PTPN3: variants seen among roughly 807,000 people sequenced by gnomAD.
The protein encoded by PTPN3 is tyrosine-protein phosphatase non-receptor type 3.
Under a neutral mutation model 132.7 loss-of-function variants are expected in PTPN3, and 96 were observed. The observed-to-expected ratio is 0.72, with a 90% CI of 0.61 to 0.86. The LOEUF (loss-of-function observed/expected upper bound fraction) is 0.86, where lower values mean the gene tolerates loss of function less well. Ranked by LOEUF, PTPN3 falls within the 40% of genes least tolerant of loss-of-function variation. The pLI, the probability that PTPN3 is intolerant of heterozygous loss-of-function variation, is 0.00. For missense variants in PTPN3, 1,125 were observed against 1,159.6 expected, an observed-to-expected ratio of 0.97 and a Z score of 0.43; for synonymous variants, 398 against 429.0, an observed-to-expected ratio of 0.93 and a Z score of 0.89.
chr9:109,449,980 A>G (rs1845142233), intron 5 of PTPN3: 1 of 984,120 alleles, frequency 1.0e-6, no homozygotes, highest in Non-Finnish European at 1.2e-6. Flanking sequence ...TCTGTAAGGT[A>G]GGTACCACTA....
intron 18 of PTPN3, among the ~76,000 whole-genome samples, chr9:109,406,251 C>G (rs1054887294): frequency 6.6e-6 from 1 of 152,178 alleles, no homozygotes; most frequent in African/African-American, 2.4e-5. Flanking sequence ...TGTCTCCCCC[C>G]AGAAGACTGG....
In PTPN3 at chr9:109,438,110, T is replaced by A; in HGVS notation, c.587+4A>T. On this transcript the variant is annotated splice_donor_region_variant and intron_variant, in intron 8 of 25. Transcript: ENST00000374541. ...CCAAAGTAGGCCACCCCAGCCCCCC[T>A]CACCTGTGCTGCTCATGCAGAGATT... The A allele has an allele frequency of 6.2e-7, 1 of 1,612,288 alleles. No homozygotes were observed. Among genetic ancestry groups the A allele is most frequent in the Non-Finnish European group, 8.5e-7 (1 of 1,179,250 alleles).
chr9:109,486,259 G>A, intron 1 of PTPN3, among the ~76,000 whole-genome samples: 1 of 152,196 alleles, frequency 6.6e-6, no homozygotes, highest in East Asian at 1.9e-4. Flanking sequence ...ATTTTGCAGG[G>A]TTGGAGAAAA....
At position 109,391,417 on chromosome 9, in the gene PTPN3, G is replaced by A. The variant is rs879221846; in HGVS notation, c.2044+54C>T. On this transcript the variant is annotated intron_variant, in intron 20 of 25. Transcript: ENST00000374541. ...AATACCAGACAATCTGTTTTAAAAA[G>A]GGAAACATTATCTCAGTGTAGGGGG... 2.0e-5 allele frequency: 31 copies of A among 1,528,334 alleles called. 2 individuals are homozygous for A. In the South Asian group the frequency reaches 3.3e-4, roughly 16 times the overall value. The allele number at this position is 1,528,334 out of a possible 1,614,324, so 94.7% of individuals were successfully genotyped here.
chr9:109,410,860 A>G (rs1336564294), intron 14 of PTPN3, among the ~76,000 whole-genome samples: 1 of 152,166 alleles, frequency 6.6e-6, no homozygotes, highest in African/African-American at 2.4e-5. Context: ...TCCTCAAAGG[A>G]AACAGGACTG....
chr9:109,505,088 A>G, the PTPN3 span, among the ~76,000 whole-genome samples: 1 of 152,200 alleles, frequency 6.6e-6, no homozygotes, highest in Admixed American at 6.5e-5. Context: ...AGAGGATTCT[A>G]GGGAGGAGAG....
At chr9:109,425,072 A>T (rs1843144215) in intron 12 of PTPN3, among the ~76,000 whole-genome samples, 1 of 152,212 alleles carries the variant, frequency 6.6e-6, no homozygotes, top group Non-Finnish European at 1.5e-5. Context: ...GATATAATCC[A>T]GTAAGTTATT....
At chr9:109,436,636 T>C (rs1750369994) in intron 9 of PTPN3, among the ~76,000 whole-genome samples, 1 of 152,102 alleles carries the variant, frequency 6.6e-6, no homozygotes, top group Non-Finnish European at 1.5e-5. Context: ...CTTACAAAAA[T>C]TACTAGTTTC....
chr9:109,534,632 C>CAAAAAAAAAAAAAAAAAAAAAAAAA, the PTPN3 span, among the ~76,000 whole-genome samples: 2 of 108,750 alleles, frequency 1.8e-5, no homozygotes, highest in African/African-American at 3.7e-5. Flanking sequence ...CAAAAAAATA[C>CAAAAAAAAAAAAAAAAAAAAAAAAA]AAAAAAAAAA....
intron 22 of PTPN3, 30 bp downstream of exon 22, chr9:109,389,203 C>G (rs376787943): frequency 7.9e-5 from 127 of 1,611,844 alleles, no homozygotes; most frequent in Non-Finnish European, 1.1e-4. Context: ...TGACACTGCA[C>G]ACATCTGAAT....
chr9:109,481,017 G>C (rs1372755647), intron 1 of PTPN3, among the ~76,000 whole-genome samples: 3 of 152,154 alleles, frequency 2.0e-5, no homozygotes, highest in South Asian at 2.1e-4. Flanking sequence ...CTGGCTGGGA[G>C]ACTCTTTCAT....
the PTPN3 span, among the ~76,000 whole-genome samples, chr9:109,505,111 G>C: frequency 1.3e-5 from 2 of 152,186 alleles, no homozygotes; most frequent in African/African-American, 4.8e-5. Flanking sequence ...AGTAATAATA[G>C]TGAAGGCAGT....
chr9:109,467,667 C>T (rs1351705898), intron 1 of PTPN3, among the ~76,000 whole-genome samples: 1 of 152,202 alleles, frequency 6.6e-6, no homozygotes, highest in Admixed American at 6.5e-5. Flanking sequence ...AAACAGGTGC[C>T]TCCAAATGAA....
chr9:109,424,589 C>T (rs1049283715), intron 12 of PTPN3, among the ~76,000 whole-genome samples: 1 of 152,214 alleles, frequency 6.6e-6, no homozygotes, highest in African/African-American at 2.4e-5. Context: ...AGAAATTCAA[C>T]CACCCTCCTG....
At chr9:109,465,953 G>T (rs1363314644) in intron 1 of PTPN3, among the ~76,000 whole-genome samples, 2 of 152,154 alleles carry the variant, frequency 1.3e-5, no homozygotes, top group African/African-American at 2.4e-5. Context: ...ATTAACTCCA[G>T]TTCATCGTCA....
Position 109,464,702 on chromosome 9 carries a change from G to A in PTPN3, c.-17-1251C>T, listed in dbSNP as rs137955372. Among the ~76,000 whole-genome samples, 176 of 152,264 alleles carry A rather than the reference G, an allele frequency of 1.2e-3. No individual in the cohort carries two copies. In the Middle Eastern group the frequency reaches 0.014, roughly 12 times the overall value. On this transcript the variant is annotated intron_variant, in intron 1 of 25. Coordinates refer to ENST00000374541, the MANE Select transcript of PTPN3 (RefSeq NM_002829.4). The stretch of plus-strand genomic sequence containing the variant: ...AGACCCCATTTATCAAATGTGGAAC[G>A]GATAAACTGTGGTACAGTCATACCA...
At chr9:109,449,917 G>T in intron 5 of PTPN3, 5 of 985,382 alleles carry the variant, frequency 5.1e-6, no homozygotes, top group Non-Finnish European at 6.0e-6. Flanking sequence ...ACAGTTCCGG[G>T]CTTTGTACAT....
At chr9:109,487,146 C>T (rs1253008990) in intron 1 of PTPN3, among the ~76,000 whole-genome samples, 1 of 152,206 alleles carries the variant, frequency 6.6e-6, no homozygotes, top group African/African-American at 2.4e-5. Flanking sequence ...CTGAAAAGGC[C>T]TGCAGGACAG....
chr9:109,449,944 T>C (rs1845139211), intron 5 of PTPN3: 3 of 985,416 alleles, frequency 3.0e-6, no homozygotes, highest in Non-Finnish European at 2.4e-6. Context: ...ACTTTGTAAC[T>C]TTCCCTCTTA....
Sources: allele counts gnomAD v4.1 joint callset (sites outside exome capture counted in the v4.1 genomes callset), GRCh38; gene constraint gnomAD v4.1.1; transcripts MANE v1.5; gene names NCBI Gene and HGNC (gene_info 2026-07-23, HGNC 2026-07-21).